MRPL42: variants seen among roughly 807,000 people sequenced by gnomAD.
The protein encoded by MRPL42 is mitochondrial ribosomal protein L42, also known as large ribosomal subunit protein mL42.
Under a neutral mutation model 17.9 loss-of-function variants are expected in MRPL42, and 17 were observed. The observed-to-expected ratio is 0.95, with a 90% confidence interval of 0.65 to 1.42. The LOEUF (loss-of-function observed/expected upper bound fraction) is 1.42, where lower values mean the gene tolerates loss of function less well. Among genes scored for constraint, MRPL42 ranks in the 40% most tolerant of loss-of-function variants. The pLI, the probability that MRPL42 is intolerant of heterozygous loss-of-function variation, is 0.00. For synonymous variants in MRPL42, 59 were observed against 54.4 expected (o/e 1.08, Z -0.37); for missense variants, 177 against 175.2 (o/e 1.01, Z -0.06).
rs1426888840 is a variant in MRPL42 at position 93,502,159 on chromosome 12, G to T, written c.*938G>T. The T allele has an allele frequency of 6.6e-6, 1 of 151,800 alleles. No individual in the cohort carries two copies. Among genetic ancestry groups the T allele is most frequent in the South Asian group, 2.1e-4 (1 of 4,816 alleles). 9.4% of individuals were successfully genotyped at this position (151,800 alleles called of 1,614,324 possible). On this transcript the variant is annotated 3_prime_UTR_variant, in exon 6 of 6. Coordinates refer to ENST00000549982, the MANE Select transcript of MRPL42 (RefSeq NM_014050.4). ...GAATATTATGTAATTTGTTTTGAAG[G>T]TTTTTTTTCCTGACTGTCTTAAAGA...
intron 4 of MRPL42, among the ~76,000 whole-genome samples, chr12:93,483,373 C>T (rs1057212670): frequency 1.2e-4 from 19 of 152,266 alleles, no homozygotes; most frequent in Middle Eastern, 3.4e-3. Flanking sequence ...GTGTCACTTA[C>T]GCAAACCTAG....
intron 2 of MRPL42, among the ~76,000 whole-genome samples, chr12:93,473,692 A>G: frequency 6.6e-6 from 1 of 151,750 alleles, no homozygotes; most frequent in Non-Finnish European, 1.5e-5. Flanking sequence ...CAGCCTCCCA[A>G]AGTGCTGGGA....
In MRPL42 at chr12:93,481,245, G is replaced by A. The variant is rs558222009; in HGVS notation, c.219+1773G>A. ...TCTCTTACAATCTTAGCCTATTCCA[G>A]AATGTTGCCTTCACCTTTTGACTCT... On this transcript the variant is annotated intron_variant, in intron 4 of 5. Coordinates refer to ENST00000549982, the MANE Select transcript of MRPL42 (RefSeq NM_014050.4). 3.9e-5 allele frequency among the ~76,000 whole-genome samples: 6 copies of A among 152,244 alleles called. 1 individual carries two copies. In the South Asian group the frequency reaches 1.2e-3, roughly 32 times the overall value.
rs1592796188 is a variant in MRPL42 at position 93,514,928 on chromosome 12, ATCC to A, written c.*13710_*13712del. On this transcript the variant is annotated 3_prime_UTR_variant, in exon 6 of 6. Coordinates refer to ENST00000549982, the MANE Select transcript of MRPL42 (RefSeq NM_014050.4). ...CATTACATTTTTTAGCAGTCATGTCATCCTCTTGATTTGCATTGAGTCATCATT... is the reference window on the plus strand; with the variant it reads ...CATTACATTTTTTAGCAGTCATGTCATCTTGATTTGCATTGAGTCATCATT... The A allele has an allele frequency of 1.3e-5, 2 of 152,120 alleles. No homozygotes were observed. The highest frequency in any genetic ancestry group is 2.9e-5 in the Non-Finnish European group (2 of 68,034). The allele number at this position is 152,120 out of a possible 1,614,324, so 9.4% of individuals were successfully genotyped here. A position where few individuals can be genotyped will look rare whatever the true frequency, so the allele number is the denominator to read the frequency against.
At chr12:93,485,377 A>G (rs1471208688) in intron 4 of MRPL42, among the ~76,000 whole-genome samples, 1 of 151,262 alleles carries the variant, frequency 6.6e-6, no homozygotes, top group Non-Finnish European at 1.5e-5. Context: ...CTGAGCTCAA[A>G]GTGATCTGCC....
chr12:93,499,147 T>C (rs1220407668), intron 5 of MRPL42, among the ~76,000 whole-genome samples: 1 of 95,986 alleles, frequency 1.0e-5, no homozygotes, highest in African/African-American at 4.0e-5. Context: ...GATGATAGAA[T>C]AAGGTCATCG....
chr12:93,470,410 A>G (rs968876538), intron 2 of MRPL42: 1 of 1,189,514 alleles, frequency 8.4e-7, no homozygotes, highest in South Asian at 1.7e-5. Context: ...GTAGACATGT[A>G]TAGAAGGCAA....
At chr12:93,500,630 G>A (rs1953572561) in intron 5 of MRPL42, 1 of 152,162 alleles carries the variant, frequency 6.6e-6, no homozygotes, top group Admixed American at 6.5e-5. Flanking sequence ...TCATGTTCAC[G>A]ATGTGGTGTT....
chr12:93,477,053 T>C, intron 3 of MRPL42, 36 bp downstream of exon 3: 1 of 1,383,376 alleles, frequency 7.2e-7, no homozygotes, highest in Non-Finnish European at 1.0e-6. Flanking sequence ...AATAATAGTC[T>C]TAGCTATAGC....
intron 5 of MRPL42, among the ~76,000 whole-genome samples, chr12:93,491,087 C>T (rs1255406955): frequency 6.6e-6 from 1 of 152,114 alleles, no homozygotes; most frequent in African/African-American, 2.4e-5. Context: ...GACGGGGTTT[C>T]ACCATGTTGG....
rs955864787 is a variant in MRPL42 at position 93,513,920 on chromosome 12, G to C, written c.*12699G>C. On this transcript the variant is annotated 3_prime_UTR_variant, in exon 6 of 6. Transcript: ENST00000549982. ...AGCTGGAGTGCAGTGGTGTGATCTT[G>C]GCTCACTGCAACCTCCGTCTCCCAG... The C allele has an allele frequency of 1.3e-5, 2 of 152,036 alleles. No homozygotes were observed. The highest frequency in any genetic ancestry group is 6.6e-5 in the Admixed American group (1 of 15,244). 9.4% of individuals were successfully genotyped at this position (152,036 alleles called of 1,614,324 possible).
chr12:93,485,197 G>A (rs1319217001), intron 4 of MRPL42, among the ~76,000 whole-genome samples: 1 of 135,644 alleles, frequency 7.4e-6, no homozygotes, highest in Admixed American at 7.9e-5. Context: ...GGGTCTGTCT[G>A]TGTCACCAAG....
intron 3 of MRPL42, among the ~76,000 whole-genome samples, chr12:93,477,238 G>A (rs891551145): frequency 1.3e-5 from 2 of 152,058 alleles, no homozygotes; most frequent in Non-Finnish European, 2.9e-5. Context: ...TATTTAATTT[G>A]TTATAAGACA....
chr12:93,481,923 T>C lies in MRPL42; in HGVS notation c.219+2451T>C, dbSNP rs554386126. Among the ~76,000 whole-genome samples the C allele has an allele frequency of 2.6e-5, 4 of 152,330 alleles. No individual in the cohort carries two copies. The South Asian group carries it at 8.3e-4, about 32-fold the overall frequency. On this transcript the variant is annotated intron_variant, in intron 4 of 5. Transcript: ENST00000549982. ...CTACTTAACCCAGCACAGACTGATA[T>C]CATGGTTTATCATTATCATCATTCC...
chr12:93,482,188 TG>T (rs1253696239), intron 4 of MRPL42, among the ~76,000 whole-genome samples: 1 of 152,212 alleles, frequency 6.6e-6, no homozygotes, highest in Non-Finnish European at 1.5e-5. Flanking sequence ...TTCCGTTGCC[TG>T]GAATGCTTTT....
At chr12:93,477,724 G>A (rs1880251319) in intron 3 of MRPL42, among the ~76,000 whole-genome samples, 1 of 151,600 alleles carries the variant, frequency 6.6e-6, no homozygotes, top group African/African-American at 2.4e-5. Flanking sequence ...GAGCAGTGGT[G>A]TGATCTTGGC....
intron 5 of MRPL42, among the ~76,000 whole-genome samples, chr12:93,500,304 T>C (rs1211714814): frequency 6.6e-6 from 1 of 152,228 alleles, no homozygotes; most frequent in African/African-American, 2.4e-5. Flanking sequence ...TATTTCTTGA[T>C]ACATCTTATC....
At chr12:93,478,903 T>C (rs73367726) in intron 3 of MRPL42, among the ~76,000 whole-genome samples, 1,890 of 150,082 alleles carry the variant, frequency 0.013, 44 homozygotes, top group African/African-American at 0.044. Context: ...TTGTGATTAA[T>C]TTTAGCTTTT....
intron 5 of MRPL42, among the ~76,000 whole-genome samples, chr12:93,489,313 T>C (rs7304223): frequency 0.67 from 101,810 of 151,892 alleles, 34,371 homozygotes; most frequent in Middle Eastern, 0.72. Flanking sequence ...ACTAATAGGT[T>C]GGGTTATGGC....
Sources: gnomAD v4.1 joint callset for allele counts (sites outside exome capture counted in the v4.1 genomes callset) on GRCh38, gnomAD v4.1.1 for gene constraint, MANE v1.5 for transcripts, NCBI Gene and HGNC (gene_info 2026-07-23, HGNC 2026-07-21) for gene names.